Variants in BIRC6 observed in about 807,000 individuals in gnomAD.
BIRC6 encodes baculoviral IAP repeat containing 6.
A neutral mutation model predicts 503.3 loss-of-function variants in BIRC6; 98 were observed. The observed-to-expected ratio is 0.19, with a 90% CI of 0.17 to 0.23. BIRC6 has a LOEUF of 0.23. Ranked by LOEUF, BIRC6 falls within the 10% of genes least tolerant of loss-of-function variation. The pLI is 1.00. For synonymous variants in BIRC6, 2,240 were observed against 2,078.7 expected (o/e 1.08, Z -2.11); for missense variants, 5,360 against 5,806.0 (o/e 0.92, Z 2.50).
chr2:32,522,841 T>A (rs1285846935), intron 57 of BIRC6: 1 of 152,228 alleles, frequency 6.6e-6, no homozygotes, highest in East Asian at 1.9e-4. Flanking sequence ...CCTGTATAGA[T>A]CTCTGGAGAT....
At chr2:32,466,620 T>C (rs1414712127) in intron 26 of BIRC6, among the ~76,000 whole-genome samples, 1 of 152,134 alleles carries the variant, frequency 6.6e-6, no homozygotes, top group African/African-American at 2.4e-5. Flanking sequence ...AGTTGTGAAA[T>C]TAAGAAAAAA....
chr2:32,583,699 C>G (rs79716369), intron 66 of BIRC6, among the ~76,000 whole-genome samples: 105 of 152,252 alleles, frequency 6.9e-4, no homozygotes, highest in African/African-American at 2.5e-3. Flanking sequence ...TGAATGTGTA[C>G]TTTACCTATA....
At chr2:32,393,257 T>C (rs890380312) in intron 5 of BIRC6, among the ~76,000 whole-genome samples, 3 of 152,040 alleles carry the variant, frequency 2.0e-5, no homozygotes, top group Non-Finnish European at 4.4e-5. Context: ...CAGTCATAGT[T>C]TTGTGTAGGA....
intron 1 of BIRC6, among the ~76,000 whole-genome samples, chr2:32,374,986 AG>A (rs1343216333): frequency 6.6e-6 from 1 of 152,200 alleles, no homozygotes; most frequent in Non-Finnish European, 1.5e-5. Flanking sequence ...TGACTTGTTC[AG>A]TCCATGAACA....
chr2:32,374,370 C>T (rs1044165386), intron 1 of BIRC6, among the ~76,000 whole-genome samples: 6 of 152,132 alleles, frequency 3.9e-5, no homozygotes, highest in Non-Finnish European at 4.4e-5. Flanking sequence ...GCAATCATAG[C>T]TCACTGTAGC....
chr2:32,617,605 G>A, intron 73 of BIRC6, 120 bp from the exon 74 acceptor site: 1 of 1,028,714 alleles, frequency 9.7e-7, no homozygotes, highest in Non-Finnish European at 1.4e-6. Flanking sequence ...GCATAAGGAG[G>A]GGCTCAGTAA....
intron 65 of BIRC6, among the ~76,000 whole-genome samples, chr2:32,571,791 A>T (rs1281865234): frequency 6.6e-6 from 1 of 151,914 alleles, no homozygotes; most frequent in Non-Finnish European, 1.5e-5. Flanking sequence ...GATTGTTCTT[A>T]CTTTTCTAGT....
chr2:32,479,709 A>C (rs559343632), intron 37 of BIRC6, 92 bp downstream of exon 37: 3 of 1,155,736 alleles, frequency 2.6e-6, no homozygotes, highest in South Asian at 3.5e-5. Context: ...GTTGATTTTT[A>C]TATTTTTCTA....
chr2:32,525,656 A>G (rs1384155728), intron 59 of BIRC6, 28 bp downstream of exon 59: 1 of 1,587,826 alleles, frequency 6.3e-7, no homozygotes, highest in Admixed American at 1.8e-5. Context: ...ATAAACGTCA[A>G]AGAAATTTTA....
At chr2:32,538,033 A>G (rs1304326245) in intron 61 of BIRC6, among the ~76,000 whole-genome samples, 2 of 152,190 alleles carry the variant, frequency 1.3e-5, no homozygotes, top group African/African-American at 2.4e-5. Flanking sequence ...GCAGGCAGAA[A>G]TTAAAGAGGA....
intron 66 of BIRC6, among the ~76,000 whole-genome samples, chr2:32,576,806 A>T (rs1384903367): frequency 6.6e-6 from 1 of 152,180 alleles, no homozygotes; most frequent in Non-Finnish European, 1.5e-5. Flanking sequence ...ACATGGGTGA[A>T]TTATATGGTG....
intron 5 of BIRC6, among the ~76,000 whole-genome samples, chr2:32,393,255 G>T (rs2039471989): frequency 6.6e-6 from 1 of 152,102 alleles, no homozygotes; most frequent in South Asian, 2.1e-4. Context: ...AACAGTCATA[G>T]TTTTGTGTAG....
At position 32,500,410 on chromosome 2, in the gene BIRC6, C is replaced by G. The variant is rs138003837; in HGVS notation, c.9031+301C>G. ...CTGGGACCATAGGTGCCTGCCACCA[C>G]ACCCAGCTAATTTTTTTTTTTTTTT... On this transcript the variant is annotated intron_variant, in intron 46 of 73. Transcript: ENST00000421745. Among the ~76,000 whole-genome samples, 403 of 143,194 alleles carry G rather than the reference C, an allele frequency of 2.8e-3. 1 individual carries two copies. Among genetic ancestry groups the G allele is most frequent in the Admixed American group, 8.1e-3 (110 of 13,532 alleles). 93.9% of individuals were successfully genotyped at this position (143,194 alleles called of 152,430 possible).
rs769700232 is a variant in BIRC6, at chr2:32,481,414, T to C, written c.7503T>C (p.Ile2501=). 2 of 1,612,274 alleles carry C rather than the reference T, an allele frequency of 1.2e-6. No individual in the cohort carries two copies. The highest frequency in any genetic ancestry group is 4.5e-5 in the East Asian group (2 of 44,766). Residue 2501 remains isoleucine (I), a synonymous_variant, in exon 38 of 74, where the codon ATT becomes ATC. Coordinates refer to ENST00000421745, the MANE Select transcript of BIRC6 (RefSeq NM_016252.4). ...AAGTTGACATTGATCCTTTAGATAT[T>C]GATTTGGAAAAGGACCCTCTTGCAG... ...LMEVDIDPLD[I]DLEKDPLAAK...
intron 8 of BIRC6, 24 bp downstream of exon 8, chr2:32,401,647 A>G (rs746738525): frequency 1.9e-6 from 3 of 1,579,446 alleles, no homozygotes; most frequent in Non-Finnish European, 2.6e-6. Flanking sequence ...TTTTAGTAGT[A>G]TTTAATAGAT....
intron 65 of BIRC6, chr2:32,574,887 A>G: frequency 6.9e-6 from 3 of 436,320 alleles, no homozygotes; most frequent in Non-Finnish European, 1.3e-5. Context: ...AGCTGAGATT[A>G]CAGGCATGCG....
chr2:32,479,051 A>C (rs2050086353), intron 36 of BIRC6, among the ~76,000 whole-genome samples: 1 of 152,204 alleles, frequency 6.6e-6, no homozygotes, highest in Admixed American at 6.5e-5. Flanking sequence ...TTGGGTTGTT[A>C]AAGTGCATGA....
chr2:32,442,545 G>A, intron 19 of BIRC6, 90 bp downstream of exon 19: 1 of 1,318,386 alleles, frequency 7.6e-7, no homozygotes, highest in Non-Finnish European at 1.0e-6. Flanking sequence ...TTTGATCCTT[G>A]TTTAATGTAT....
chr2:32,587,525 A>T (rs1420345918), intron 66 of BIRC6, among the ~76,000 whole-genome samples: 2 of 152,144 alleles, frequency 1.3e-5, no homozygotes, highest in Non-Finnish European at 2.9e-5. Context: ...ATCACTTGAG[A>T]CTAGCCTGGG....
Sources: allele counts gnomAD v4.1 joint callset (sites outside exome capture counted in the v4.1 genomes callset), GRCh38; gene constraint gnomAD v4.1.1; transcripts MANE v1.5; gene names NCBI Gene and HGNC (gene_info 2026-07-23, HGNC 2026-07-21).